SEPSECS: variants seen among roughly 807,000 people sequenced by gnomAD.
SEPSECS encodes the protein O-phosphoseryl-tRNA(Sec) selenium transferase.
Under a neutral mutation model 52.1 loss-of-function variants are expected in SEPSECS, and 42 were observed. The observed-to-expected ratio is 0.81, with a 90% confidence interval of 0.63 to 1.04. SEPSECS has a LOEUF of 1.04. Ranked by LOEUF, SEPSECS falls within the 50% of genes least tolerant of loss-of-function variation. The pLI, the probability that SEPSECS is intolerant of heterozygous loss-of-function variation, is 0.00. For synonymous variants in SEPSECS, 216 were observed against 211.4 expected (o/e 1.02, Z -0.19); for missense variants, 590 against 610.6 (o/e 0.97, Z 0.36).
rs1385901686 is a variant in SEPSECS, at chr4:25,152,149, T to A, written c.702-87A>T. ...AGAAAGTTTTTTAAAAATTTAATAG[T>A]TATCCTTAATGTACACCAAAGGAAA... is the stretch of plus-strand genomic sequence containing the variant. On this transcript the variant is annotated intron_variant, in intron 5 of 10. Transcript: ENST00000382103. The A allele has an allele frequency of 1.6e-5, 13 of 801,122 alleles. No individual in the cohort carries two copies. In the Admixed American group the frequency reaches 2.5e-4, roughly 15 times the overall value. 49.6% of individuals were successfully genotyped at this position (801,122 alleles called of 1,614,324 possible). A position where few individuals can be genotyped will look rare whatever the true frequency, so the allele number is the denominator to read the frequency against.
Position 25,160,093 on chromosome 4 carries a change from G to C in SEPSECS, c.114+163C>G, listed in dbSNP as rs2291873. 0.05 allele frequency: 49,663 copies of C among 985,400 alleles called. 1,573 individuals carry two copies. The highest frequency in any genetic ancestry group is 0.14 in the African/African-American group (8,038 of 57,340). The allele number at this position is 985,400 out of a possible 1,614,324, so 61.0% of individuals were successfully genotyped here. On this transcript the variant is annotated intron_variant, in intron 1 of 10. Transcript: ENST00000382103. Reference sequence around the variant, plus strand: ...CACTGGCTTTGGCAAGGCTGAGAAGGCACAGACCGCAGTCGGTCAGCTAGG... The same window carrying C: ...CACTGGCTTTGGCAAGGCTGAGAAGCCACAGACCGCAGTCGGTCAGCTAGG...
chr4:25,160,523 T>C (rs1381950090), upstream of SEPSECS: 2 of 638,986 alleles, frequency 3.1e-6, no homozygotes, highest in East Asian at 2.9e-5. Context: ...AAAACACTTC[T>C]CGTTCGTGCA....
At chr4:25,144,705 G>A in intron 8 of SEPSECS, 69 bp downstream of exon 8, 1 of 1,143,292 alleles carries the variant, frequency 8.7e-7, no homozygotes, top group Non-Finnish European at 1.3e-6. Flanking sequence ...CCAACAGGCA[G>A]AAAACACCAA....
chr4:25,129,620 A>C (rs1728530234), intron 8 of SEPSECS, among the ~76,000 whole-genome samples: 1 of 147,070 alleles, frequency 6.8e-6, no homozygotes. Context: ...CAAACTCCTG[A>C]CCTCAGGTGA....
Position 25,127,322 on chromosome 4 carries a change from C to T in SEPSECS, c.1062G>A (p.Lys354=). 6.2e-7 allele frequency: 1 copy of T among 1,613,194 alleles called. No homozygotes were observed. Among genetic ancestry groups the T allele is most frequent in the Non-Finnish European group, 8.5e-7 (1 of 1,179,472 alleles). ...MFSYLSNQIK[K]LSEAYNERLL... ...GTCTTTCATTGTAGGCTTCTGACAA[C>T]TTCTTTATTTGGTTGGACAAATATG... The change falls in exon 9 of 11, where the codon AAG becomes AAA. Residue 354 remains lysine (K), a synonymous_variant. Transcript: ENST00000382103.
intron 8 of SEPSECS, among the ~76,000 whole-genome samples, chr4:25,135,930 T>C (rs1223591183): frequency 1.3e-5 from 2 of 152,120 alleles, no homozygotes; most frequent in Non-Finnish European, 2.9e-5. Flanking sequence ...ATTCATCAGA[T>C]AAAGAGAACT....
intron 5 of SEPSECS, among the ~76,000 whole-genome samples, chr4:25,153,871 A>C (rs1560334674): frequency 6.6e-6 from 1 of 152,096 alleles, no homozygotes. Context: ...CAGGTAAAAC[A>C]CTTAACACTG....
rs1289910632 is a variant in SEPSECS, at chr4:25,160,344, C to A, written c.26G>T (p.Gly9Val). The A allele has an allele frequency of 7.1e-6, 11 of 1,548,816 alleles. No homozygotes were observed. Among genetic ancestry groups the A allele is most frequent in the Non-Finnish European group, 9.6e-6 (11 of 1,145,606 alleles). Residue 9 changes from glycine (G) to valine (V), a missense_variant, in exon 1 of 11, where the codon GGA becomes GTA. Coordinates refer to ENST00000382103, the MANE Select transcript of SEPSECS (RefSeq NM_016955.4). MNRESFAA[G>V]ERLVSPAYVR... ...GTAAGCCGGCGACACCAGCCGCTCT[C>A]CCGCCGCGAAGCTCTCGCGGTTCAT...
At chr4:25,146,674 A>G (rs1007332727) in intron 6 of SEPSECS, among the ~76,000 whole-genome samples, 1 of 152,214 alleles carries the variant, frequency 6.6e-6, no homozygotes, top group Non-Finnish European at 1.5e-5. Context: ...AAAGCATTTA[A>G]AAGGCAGCAC....
Position 25,124,111 on chromosome 4 carries a change from C to T in SEPSECS, c.1326G>A (p.Met442Ile), listed in dbSNP as rs753701192. 6.2e-7 allele frequency: 1 copy of T among 1,613,774 alleles called. No homozygotes were observed. The highest frequency in any genetic ancestry group is 8.5e-7 in the Non-Finnish European group (1 of 1,179,776). ...TGAACAGGTCCACATCCTGCATCTT[C>T]ATTCCGATGGCTGATGCAGCATTGA... ...AYLNAASAIG[M>I]KMQDVDLFIK... Residue 442 changes from methionine to isoleucine, a missense_variant, in exon 11 of 11, where the codon ATG (methionine) becomes ATA (isoleucine). Coordinates refer to ENST00000382103, the MANE Select transcript of SEPSECS (RefSeq NM_016955.4).
chr4:25,157,242 T>C (rs1391343397), intron 2 of SEPSECS, among the ~76,000 whole-genome samples: 1 of 152,208 alleles, frequency 6.6e-6, no homozygotes, highest in Admixed American at 6.5e-5. Flanking sequence ...CACCAAGAGA[T>C]GGAGTCTACT....
At chr4:25,156,576 T>C (rs1238488560) in intron 3 of SEPSECS, among the ~76,000 whole-genome samples, 1 of 150,590 alleles carries the variant, frequency 6.6e-6, no homozygotes, top group Non-Finnish European at 1.5e-5. Flanking sequence ...GGCGTGGCGG[T>C]GGGCACCTGT....
Position 25,156,859 on chromosome 4 carries a change from C to A in SEPSECS, c.385G>T (p.Ala129Ser). 6.5e-7 allele frequency: 1 copy of A among 1,547,182 alleles called. No individual in the cohort carries two copies. Among genetic ancestry groups the A allele is most frequent in the Non-Finnish European group, 8.9e-7 (1 of 1,119,212 alleles). Residue 129 changes from alanine (A) to serine (S), a missense_variant, in exon 3 of 11, where the codon GCT becomes TCT. Physicochemically the swap from Ala to Ser is moderately conservative, Grantham distance 99. Coordinates refer to ENST00000382103, the MANE Select transcript of SEPSECS (RefSeq NM_016955.4). ...NSLVLDIIKL[A>S]GVHTVANCFV... ...TTATGATTAAGACGGTACATACCAG[C>A]CAGCTTTATAATGTCCAGGACCAAA...
At chr4:25,136,703 G>GA (rs1002810850) in intron 8 of SEPSECS, among the ~76,000 whole-genome samples, 4 of 151,914 alleles carry the variant, frequency 2.6e-5, no homozygotes, top group Non-Finnish European at 5.9e-5. Flanking sequence ...CATAGAATTA[G>GA]AAAAAAACTA....
chr4:25,141,772 C>A (rs1030743165), intron 8 of SEPSECS, among the ~76,000 whole-genome samples: 1 of 152,148 alleles, frequency 6.6e-6, no homozygotes, highest in Non-Finnish European at 1.5e-5. Context: ...GCCTAGAAGG[C>A]CCCACGTGAT....
rs1269902762 is a variant in SEPSECS, at chr4:25,122,466, G to A, written c.*1465C>T. ...AGTGTTTTTAAAAGTATGTTCAATGGGCTGTTAACAAATATTTCACTTTAA... is the reference window on the plus strand; with the variant it reads ...AGTGTTTTTAAAAGTATGTTCAATGAGCTGTTAACAAATATTTCACTTTAA... On this transcript the variant is annotated 3_prime_UTR_variant, in exon 11 of 11. Coordinates refer to ENST00000382103, the MANE Select transcript of SEPSECS (RefSeq NM_016955.4). The A allele has an allele frequency of 6.6e-6, 1 of 152,100 alleles. No homozygotes were observed. The highest frequency in any genetic ancestry group is 2.4e-5 in the African/African-American group (1 of 41,416). The allele number at this position is 152,100 out of a possible 1,614,324, so 9.4% of individuals were successfully genotyped here. A position where few individuals can be genotyped will look rare whatever the true frequency, so the allele number is the denominator to read the frequency against.
intron 5 of SEPSECS, 73 bp downstream of exon 5, chr4:25,154,925 A>G: frequency 4.2e-6 from 6 of 1,415,610 alleles, no homozygotes; most frequent in Non-Finnish European, 6.0e-6. Flanking sequence ...TTATTTAAGC[A>G]TATTTGAGAA....
At chr4:25,158,332 A>G (rs930821152) in intron 2 of SEPSECS, among the ~76,000 whole-genome samples, 1 of 152,192 alleles carries the variant, frequency 6.6e-6, no homozygotes, top group Non-Finnish European at 1.5e-5. Context: ...CATTTAAAAG[A>G]GTTTACACTT....
At chr4:25,158,410 G>A (rs983873795) in intron 2 of SEPSECS, among the ~76,000 whole-genome samples, 2 of 152,038 alleles carry the variant, frequency 1.3e-5, no homozygotes, top group Non-Finnish European at 2.9e-5. Flanking sequence ...CAATTAAATC[G>A]TTATCAGAAT....
Sources: allele counts gnomAD v4.1 joint callset (sites outside exome capture counted in the v4.1 genomes callset), GRCh38; gene constraint gnomAD v4.1.1; transcripts MANE v1.5; gene names NCBI Gene and HGNC (gene_info 2026-07-23, HGNC 2026-07-21).